POLE: variants seen among roughly 807,000 people sequenced by gnomAD.
The protein encoded by POLE is DNA polymerase epsilon catalytic subunit A.
Under a neutral mutation model 279.2 loss-of-function variants are expected in POLE, and 188 were observed. The ratio of observed to expected loss-of-function variants is 0.67; its 90% CI spans 0.60 to 0.76. The LOEUF (loss-of-function observed/expected upper bound fraction) is 0.76, where lower values mean the gene tolerates loss of function less well. Among genes scored for constraint, POLE ranks in the 30% least tolerant of loss-of-function variants. The pLI, the probability that POLE is intolerant of heterozygous loss-of-function variation, is 0.00. For synonymous variants in POLE, 1,214 were observed against 1,172.5 expected, an observed-to-expected ratio of 1.04 and a Z score of -0.72; for missense variants, 2,703 against 3,016.7, an observed-to-expected ratio of 0.90 and a Z score of 2.44.
chr12:132,647,026 A>C (rs1205052810), intron 32 of POLE, among the ~76,000 whole-genome samples: 1 of 152,152 alleles, frequency 6.6e-6, no homozygotes, highest in Admixed American at 6.6e-5. Flanking sequence ...GTTTCTGAGA[A>C]GAAAAAAAAT....
chr12:132,644,323 CTTTTTTTTTT>C (rs57257940), intron 32 of POLE, among the ~76,000 whole-genome samples: 123 of 107,708 alleles, frequency 1.1e-3, no homozygotes, highest in African/African-American at 4.1e-3. Flanking sequence ...CCACGGATGG[CTTTTTTTTTT>C]TTTTTTTTTT....
chr12:132,677,554 G>A (rs370545048), intron 7 of POLE, 24 bp downstream of exon 7: 2 of 1,613,768 alleles, frequency 1.2e-6, no homozygotes, highest in Non-Finnish European at 1.7e-6. Flanking sequence ...CATGTGAGCA[G>A]CGACCCAACC....
At chr12:132,667,071 A>G (rs1047921089) in intron 20 of POLE, among the ~76,000 whole-genome samples, 1 of 152,170 alleles carries the variant, frequency 6.6e-6, no homozygotes, top group Non-Finnish European at 1.5e-5. Context: ...CCATGTTCCT[A>G]CCGGATGAAA....
chr12:132,681,349 T>C lies in POLE; in HGVS notation c.63-70A>G. ...TGCTGCTGCTTCTTTTTTTCTTTTT[T>C]TTCTTTTTTTTTGAGACGGAGTCTT... On this transcript the variant is annotated intron_variant, in intron 1 of 48. Transcript: ENST00000320574. The C allele has an allele frequency of 3.3e-6, 5 of 1,535,848 alleles. No individual in the cohort carries two copies. The South Asian group carries it at 4.8e-5, about 15-fold the overall frequency.
intron 29 of POLE, 42 bp from the exon 30 acceptor site, chr12:132,649,931 C>T (rs2138616262): frequency 6.3e-7 from 1 of 1,576,730 alleles, no homozygotes; most frequent in East Asian, 2.2e-5. Flanking sequence ...GGATCTCGGG[C>T]TGCGCAGGGT....
chr12:132,644,797 T>C (rs936933298), intron 32 of POLE, among the ~76,000 whole-genome samples: 1 of 41,630 alleles, frequency 2.4e-5, no homozygotes, highest in Non-Finnish European at 4.4e-5. Flanking sequence ...CCTGGGGGGG[T>C]CTGGGAGAGC....
chr12:132,638,194 A>G (rs2138503322), intron 40 of POLE, 55 bp from the exon 41 acceptor site: 2 of 1,559,766 alleles, frequency 1.3e-6, no homozygotes, highest in Non-Finnish European at 1.7e-6. Flanking sequence ...GGAGAGCCAG[A>G]GGGCACCCAG....
At chr12:132,628,621 C>T (rs960619632) in intron 45 of POLE, among the ~76,000 whole-genome samples, 12 of 152,090 alleles carry the variant, frequency 7.9e-5, no homozygotes, top group Admixed American at 3.9e-4. Context: ...CCAGCCTGGG[C>T]GACAGAGCAA....
chr12:132,658,142 G>T, intron 26 of POLE, 172 bp from the exon 27 acceptor site: 1 of 534,088 alleles, frequency 1.9e-6, no homozygotes. Flanking sequence ...GGTTCCTCGG[G>T]GAGTAACACG....
rs905858506 is a variant in POLE at position 132,632,735 on chromosome 12, C to T, written c.6065G>A (p.Ser2022Asn). 1.9e-5 allele frequency: 30 copies of T among 1,613,388 alleles called. No homozygotes were observed. The highest frequency in any genetic ancestry group is 2.3e-5 in the Non-Finnish European group (27 of 1,179,992). ...GGCCCCCCTCCTCCTCACGGGGGTG[C>T]TCCCTGGAGCACTGCGCCTCAGCCC... ...KDGLRRSAPG[S>N]TPVRRRGASQ... is the part of the protein sequence containing the mutation. The change falls in exon 44 of 49, where the codon AGC becomes AAC. Residue 2022 changes from serine to asparagine, a missense_variant. Transcript: ENST00000320574.
intron 29 of POLE, among the ~76,000 whole-genome samples, chr12:132,653,140 G>C (rs192176849): frequency 1.3e-5 from 2 of 152,302 alleles, no homozygotes; most frequent in East Asian, 1.9e-4. Context: ...AGTGCTTTGG[G>C]GGGGGCCCAG....
chr12:132,687,319 G>C lies in POLE; in HGVS notation c.-4C>G. ...GCCCGCCGCTCCTCAGAGACATGGA[G>C]CCGTTGGCTACCACCTCTGCTTCAG... On this transcript the variant is annotated 5_prime_UTR_variant, in exon 1 of 49. Transcript: ENST00000320574. 1 of 1,500,262 alleles carries C rather than the reference G, an allele frequency of 6.7e-7. No individual in the cohort carries two copies. Among genetic ancestry groups the C allele is most frequent in the Non-Finnish European group, 8.9e-7 (1 of 1,124,072 alleles). The allele number at this position is 1,500,262 out of a possible 1,614,324, so 92.9% of individuals were successfully genotyped here.
intron 41 of POLE, 22 bp from the exon 42 acceptor site, chr12:132,636,046 C>A: frequency 6.2e-7 from 1 of 1,603,908 alleles, no homozygotes. Flanking sequence ...GCATTGAAGA[C>A]GCTGCTTCAG....
rs200926632 is a variant in POLE at position 132,624,866 on chromosome 12, G to A, written c.6747+39C>T. On this transcript the variant is annotated intron_variant, in intron 48 of 48. Coordinates refer to ENST00000320574, the MANE Select transcript of POLE (RefSeq NM_006231.4). The stretch of plus-strand genomic sequence containing the variant: ...CAGTCCACTCAGAGAGGAGGCCAAG[G>A]AGGCCAGGCTGAGCCGAGGCAGATG... 2.9e-4 allele frequency: 332 copies of A among 1,161,556 alleles called. No individual in the cohort carries two copies. The highest frequency in any genetic ancestry group is 3.7e-4 in the Non-Finnish European group (311 of 833,654). 72.0% of individuals were successfully genotyped at this position (1,161,556 alleles called of 1,614,324 possible). A position where few individuals can be genotyped will look rare whatever the true frequency, so the allele number is the denominator to read the frequency against.
chr12:132,668,626 G>T lies in POLE; in HGVS notation c.2026+9C>A. ...CCACCGAGTGCCCACCCAGGCGGCC[G>T]ACACTCACTGAACTCGCCCCTCCAC... On this transcript the variant is annotated intron_variant, in intron 18 of 48. Transcript: ENST00000320574. The surrounding 1 kb of genome is among the most constrained non-coding windows in gnomAD (Gnocchi z 4.0). 1 of 1,607,198 alleles carries T rather than the reference G, an allele frequency of 6.2e-7. No individual in the cohort carries two copies. Among genetic ancestry groups the T allele is most frequent in the South Asian group, 1.1e-5 (1 of 90,870 alleles).
At chr12:132,652,494 G>C (rs1340555276) in intron 29 of POLE, among the ~76,000 whole-genome samples, 1 of 151,482 alleles carries the variant, frequency 6.6e-6, no homozygotes, top group Non-Finnish European at 1.5e-5. Context: ...ATGTTGTGCC[G>C]GATTTTTTTT....
chr12:132,663,966 G>A (rs368938958), intron 23 of POLE, 38 bp downstream of exon 23: 15 of 1,611,748 alleles, frequency 9.3e-6, no homozygotes, highest in Non-Finnish European at 1.3e-5. Flanking sequence ...CTGACGCCAG[G>A]CCAGCCAGAG....
In POLE at chr12:132,649,395, C is replaced by T. The variant is rs774219559; in HGVS notation, c.3916G>A (p.Ala1306Thr). The T allele has an allele frequency of 6.2e-7, 1 of 1,613,314 alleles. No individual in the cohort carries two copies. The highest frequency in any genetic ancestry group is 2.2e-5 in the East Asian group (1 of 44,880). ...ESAEGVLRPGAIRDGPATGLG... is the reference protein window; with the variant it reads ...ESAEGVLRPGTIRDGPATGLG... ...CCCGTGGCAGGACCATCCCGGATGG[C>T]CCCGGGCCTGAGCACACCCTCTGCC... Residue 1306 changes from alanine to threonine, a missense_variant, in exon 31 of 49, where the codon GCC (alanine) becomes ACC (threonine). Around this residue, in one of 5 missense-constraint regions of POLE, gnomAD observed 1,551 missense variants for 1,686.1 expected, o/e 0.92. Coordinates refer to ENST00000320574, the MANE Select transcript of POLE (RefSeq NM_006231.4).
In POLE at chr12:132,675,505, C is replaced by T. The variant is rs1555229135; in HGVS notation, c.1119G>A (p.Glu373=). The change falls in exon 12 of 49, where the codon GAG becomes GAA. Residue 373 remains glutamate (E), a synonymous_variant. Coordinates refer to ENST00000320574, the MANE Select transcript of POLE (RefSeq NM_006231.4). The surrounding 1 kb of genome is among the most constrained non-coding windows in gnomAD (Gnocchi z 4.3). ...TCAGACCGTGGACTGCTGCCCGGGCCTCCACAAATGGCCTGGGTTGGAAAG... is the reference window on the plus strand; with the variant it reads ...TCAGACCGTGGACTGCTGCCCGGGCTTCCACAAATGGCCTGGGTTGGAAAG... ...NGDFFDWPFV[E]ARAAVHGLSM... is the part of the protein sequence containing the mutation. The T allele has an allele frequency of 6.2e-7, 1 of 1,614,120 alleles. No homozygotes were observed. Among genetic ancestry groups the T allele is most frequent in the Non-Finnish European group, 8.5e-7 (1 of 1,180,034 alleles).
Sources: gnomAD v4.1 joint callset for allele counts (sites outside exome capture counted in the v4.1 genomes callset) on GRCh38, gnomAD v4.1.1 for gene constraint, gnomAD v4.1.1 regional missense constraint, Gnocchi (gnomAD v3.1) non-coding constraint, MANE v1.5 for transcripts, NCBI Gene and HGNC (gene_info 2026-07-23, HGNC 2026-07-21) for gene names.